ZKSCAN8: variants seen among roughly 807,000 people sequenced by gnomAD.
ZKSCAN8 encodes the protein zinc finger protein with KRAB and SCAN domains 8.
Under a neutral mutation model 57.2 loss-of-function variants are expected in ZKSCAN8, and 27 were observed. That is an observed-to-expected ratio of 0.47 (90% CI 0.35 to 0.65). The LOEUF is 0.65. Ranked by LOEUF, ZKSCAN8 falls within the 30% of genes least tolerant of loss-of-function variation. The pLI is 0.01. For synonymous variants in ZKSCAN8, 214 were observed against 248.7 expected, an observed-to-expected ratio of 0.86 and a Z score of 1.31; for missense variants, 597 against 696.3, an observed-to-expected ratio of 0.86 and a Z score of 1.60.
chr6:28,150,165 C>A (rs1318508515), intron 3 of ZKSCAN8, among the ~76,000 whole-genome samples: 1 of 152,180 alleles, frequency 6.6e-6, no homozygotes, highest in African/African-American at 2.4e-5. Context: ...GGTTCAGAGT[C>A]TAGTCTGGCG....
chr6:28,149,373 T>C, intron 2 of ZKSCAN8, 110 bp from the exon 3 acceptor site: 1 of 1,378,630 alleles, frequency 7.3e-7, no homozygotes, highest in Non-Finnish European at 9.9e-7. Flanking sequence ...AAGATTCTGC[T>C]GCTTCCTTCC....
rs1405354253 is a variant in ZKSCAN8, at chr6:28,144,544, A to C, written c.-93+2515A>C. On this transcript the variant is annotated intron_variant, in intron 1 of 5. Transcript: ENST00000330236. This position sits in a 1 kb window ranked among gnomAD's most constrained non-coding sequence, Gnocchi z 4.5. ...AACTGGTTTAGGGTATGCTACCTTT[A>C]CTTACACTCTTCTTCATTCTCTACA... The C allele has an allele frequency of 6.6e-6, 1 of 152,158 alleles. No homozygotes were observed. 9.4% of individuals were successfully genotyped at this position (152,158 alleles called of 1,614,324 possible). A position where few individuals can be genotyped will look rare whatever the true frequency, so the allele number is the denominator to read the frequency against.
chr6:28,151,042 G>A (rs1561820838), intron 3 of ZKSCAN8, among the ~76,000 whole-genome samples: 1 of 152,136 alleles, frequency 6.6e-6, no homozygotes, highest in Non-Finnish European at 1.5e-5. Flanking sequence ...CTAGCCTCAA[G>A]CGATCTGCCC....
In ZKSCAN8 at chr6:28,148,782, A is replaced by G. The variant is rs941464542; in HGVS notation, c.375A>G (p.Leu125=). The G allele has an allele frequency of 1.1e-5, 17 of 1,614,050 alleles. No individual in the cohort carries two copies. The highest frequency in any genetic ancestry group is 1.4e-5 in the Non-Finnish European group (16 of 1,179,968). The change falls in exon 2 of 6, where the codon CTA becomes CTG. Residue 125 remains leucine (L), a synonymous_variant. Transcript: ENST00000330236. Reference sequence around the variant, plus strand: ...AGAACGGAGAGGAGGTGGTGACCCTATTAGAGGATTTGGAAAGGCAGATTG... The same window carrying G: ...AGAACGGAGAGGAGGTGGTGACCCTGTTAGAGGATTTGGAAAGGCAGATTG... ...QLENGEEVVT[L]LEDLERQIDI...
chr6:28,152,718 T>C (rs1478885113), intron 5 of ZKSCAN8, among the ~76,000 whole-genome samples: 1 of 152,216 alleles, frequency 6.6e-6, no homozygotes, highest in African/African-American at 2.4e-5. Context: ...TCCTCCCTTT[T>C]GATGACTGGG....
At chr6:28,147,697 T>G (rs1011908310) in intron 1 of ZKSCAN8, among the ~76,000 whole-genome samples, 6 of 152,228 alleles carry the variant, frequency 3.9e-5, no homozygotes, top group African/African-American at 1.4e-4. Context: ...GGGTTGTAGT[T>G]GTCAATAGGG....
chr6:28,147,444 A>G (rs556300729), intron 1 of ZKSCAN8, among the ~76,000 whole-genome samples: 3 of 152,350 alleles, frequency 2.0e-5, no homozygotes, highest in East Asian at 1.9e-4. Context: ...AGTTATACAT[A>G]TATGTATTTT....
rs1364595140 is a variant in ZKSCAN8, at chr6:28,144,461, A to G, written c.-93+2432A>G. On this transcript the variant is annotated intron_variant, in intron 1 of 5. Coordinates refer to ENST00000330236, the MANE Select transcript of ZKSCAN8 (RefSeq NM_006298.4). The surrounding 1 kb of genome is among the most constrained non-coding windows in gnomAD (Gnocchi z 4.5). Reference sequence around the variant, plus strand: ...AATCTGATTTTTTTCCTAAGTACCTATCTCTTCTTTGTGGACTATAGGTCT... The same window carrying G: ...AATCTGATTTTTTTCCTAAGTACCTGTCTCTTCTTTGTGGACTATAGGTCT... 6.6e-6 allele frequency: 1 copy of G among 152,110 alleles called. No individual in the cohort carries two copies. The highest frequency in any genetic ancestry group is 1.5e-5 in the Non-Finnish European group (1 of 68,028). The allele number at this position is 152,110 out of a possible 1,614,324, so 9.4% of individuals were successfully genotyped here. A position where few individuals can be genotyped will look rare whatever the true frequency, so the allele number is the denominator to read the frequency against.
intron 3 of ZKSCAN8, 145 bp from the exon 4 acceptor site, chr6:28,151,700 A>G: frequency 1.6e-6 from 1 of 631,562 alleles, no homozygotes; most frequent in East Asian, 2.7e-5. Flanking sequence ...ATGGCCCCAG[A>G]ATCCAAGATA....
Position 28,144,045 on chromosome 6 carries a change from A to G in ZKSCAN8, c.-93+2016A>G, listed in dbSNP as rs1262026975. 2.6e-5 allele frequency among the ~76,000 whole-genome samples: 4 copies of G among 152,106 alleles called. No homozygotes were observed. Among genetic ancestry groups the G allele is most frequent in the East Asian group, 1.9e-4 (1 of 5,180 alleles). ...TCATAATCAATGAACTATACCCCCAATGTTAATTGATATATTTAACCATAT... is the reference window on the plus strand; with the variant it reads ...TCATAATCAATGAACTATACCCCCAGTGTTAATTGATATATTTAACCATAT... On this transcript the variant is annotated intron_variant, in intron 1 of 5. Transcript: ENST00000330236. This position sits in a 1 kb window ranked among gnomAD's most constrained non-coding sequence, Gnocchi z 4.5.
intron 5 of ZKSCAN8, 139 bp downstream of exon 5, chr6:28,152,523 T>C: frequency 8.3e-7 from 1 of 1,206,566 alleles, no homozygotes; most frequent in East Asian, 2.6e-5. Flanking sequence ...TGTTGAGATT[T>C]CTTGAAATCT....
At position 28,153,511 on chromosome 6, in the gene ZKSCAN8, T is replaced by C. The variant is rs763848309; in HGVS notation, c.1231T>C (p.Cys411Arg). ...TGEKPYQCNQ[C>R]GKAFSQSAGL... The stretch of plus-strand genomic sequence containing the variant: ...GGAGAAGCCATATCAGTGCAATCAG[T>C]GTGGGAAGGCTTTCAGTCAGAGTGC... Residue 411 changes from cysteine (C) to arginine (R), a missense_variant, in exon 6 of 6, where the codon TGT becomes CGT. Physicochemically the swap from Cys to Arg is radical, Grantham distance 180 (BLOSUM62 -3). Coordinates refer to ENST00000330236, the MANE Select transcript of ZKSCAN8 (RefSeq NM_006298.4). 3 of 1,612,292 alleles carry C rather than the reference T, an allele frequency of 1.9e-6. No homozygotes were observed. Among genetic ancestry groups the C allele is most frequent in the East Asian group, 2.2e-5 (1 of 44,878 alleles).
At chr6:28,143,467 G>T (rs1000566792) in intron 1 of ZKSCAN8, among the ~76,000 whole-genome samples, 1 of 152,042 alleles carries the variant, frequency 6.6e-6, no homozygotes, top group African/African-American at 2.4e-5. Context: ...TGAATGCTGC[G>T]CACTTCACAT....
At chr6:28,151,286 G>T (rs973603471) in intron 3 of ZKSCAN8, among the ~76,000 whole-genome samples, 2 of 152,032 alleles carry the variant, frequency 1.3e-5, no homozygotes, top group Non-Finnish European at 2.9e-5. Flanking sequence ...ATGTGATTTA[G>T]AGTAGTTTAT....
At position 28,153,660 on chromosome 6, in the gene ZKSCAN8, G is replaced by A. The variant is rs1245619419; in HGVS notation, c.1380G>A (p.Lys460=). Residue 460 remains lysine, a synonymous_variant, in exon 6 of 6, where the codon AAG becomes AAA. Transcript: ENST00000330236. ...IGHQRIHTGE[K]PYECDECGKT... is the part of the protein sequence containing the mutation. ...ATCAGAGAATCCACACTGGGGAGAA[G>A]CCCTATGAGTGTGATGAGTGTGGGA... The A allele has an allele frequency of 1.2e-6, 2 of 1,613,160 alleles. No individual in the cohort carries two copies. Among genetic ancestry groups the A allele is most frequent in the Admixed American group, 1.7e-5 (1 of 59,948 alleles).
rs1765335827 is a variant in ZKSCAN8 at position 28,144,821 on chromosome 6, G to A, written c.-93+2792G>A. On this transcript the variant is annotated intron_variant, in intron 1 of 5. Transcript: ENST00000330236. The surrounding 1 kb of genome is among the most constrained non-coding windows in gnomAD (Gnocchi z 4.5). ...GCCTGTAATCCCAGCACTTTGGGAG[G>A]CCGAGGCGGGCAGATCACGAGGTCA... 6.6e-6 allele frequency among the ~76,000 whole-genome samples: 1 copy of A among 152,250 alleles called. No homozygotes were observed. The highest frequency in any genetic ancestry group is 2.4e-5 in the African/African-American group (1 of 41,464).
In ZKSCAN8 at chr6:28,152,377, C is replaced by T; in HGVS notation, c.768C>T (p.Phe256=). ...GGCCAGAAAATTTCAGAAACATGTT[C>T]TCCCTGGGTAAGGAGAGGTGTGGTT... The part of the protein sequence containing the change: ...DNRPENFRNM[F]SLGGETRSEN... The change falls in exon 5 of 6, where the codon TTC becomes TTT. Residue 256 remains phenylalanine, a synonymous_variant. Coordinates refer to ENST00000330236, the MANE Select transcript of ZKSCAN8 (RefSeq NM_006298.4). 1 of 1,607,012 alleles carries T rather than the reference C, an allele frequency of 6.2e-7. No individual in the cohort carries two copies. The highest frequency in any genetic ancestry group is 8.5e-7 in the Non-Finnish European group (1 of 1,178,140).
In ZKSCAN8 at chr6:28,159,201, G is replaced by A. The variant is rs563718049; in HGVS notation, c.*5184G>A. 19 of 152,222 alleles carry A rather than the reference G, an allele frequency of 1.2e-4. No individual in the cohort carries two copies. The highest frequency in any genetic ancestry group is 4.1e-4 in the African/African-American group (17 of 41,522). 9.4% of individuals were successfully genotyped at this position (152,222 alleles called of 1,614,324 possible). On this transcript the variant is annotated 3_prime_UTR_variant, in exon 6 of 6. Transcript: ENST00000330236. The stretch of plus-strand genomic sequence containing the variant: ...CTCCCTGATTGACATCACCTCATGC[G>A]ATGACCTCCCTCATTCTGTGCTGCC...
intron 5 of ZKSCAN8, among the ~76,000 whole-genome samples, chr6:28,152,592 G>A (rs1765627116): frequency 6.6e-6 from 1 of 152,124 alleles, no homozygotes; most frequent in Non-Finnish European, 1.5e-5. Context: ...CAGGGTACTG[G>A]CGTTTTTGCC....
Sources: allele counts gnomAD v4.1 joint callset (sites outside exome capture counted in the v4.1 genomes callset), GRCh38; gene constraint gnomAD v4.1.1; non-coding constraint Gnocchi (gnomAD v3.1); transcripts MANE v1.5; gene names NCBI Gene and HGNC (gene_info 2026-07-23, HGNC 2026-07-21).